The following TMEM248 variants were observed in gnomAD, a reference collection of about 807,000 sequenced individuals.
The protein encoded by TMEM248 is UPF0458 protein C7orf42.
Under a neutral mutation model 30.3 loss-of-function variants are expected in TMEM248, and 9 were observed. That is an observed-to-expected ratio of 0.30 (90% confidence interval 0.18 to 0.52). The LOEUF is 0.52. TMEM248 is among the 20% of genes least tolerant of loss of function. TMEM248 has a pLI of 0.97. For synonymous variants in TMEM248, 184 were observed against 154.4 expected (o/e 1.19, Z -1.42); for missense variants, 338 against 403.3 (o/e 0.84, Z 1.39).
intron 6 of TMEM248, among the ~76,000 whole-genome samples, chr7:66,953,947 T>C (rs1280781568): frequency 1.4e-5 from 2 of 141,786 alleles, no homozygotes; most frequent in Non-Finnish European, 3.1e-5. Context: ...TTCTTTTTTT[T>C]TTTTTTTTTT....
chr7:66,947,770 TATTTTA>T (rs1165072682), intron 3 of TMEM248, among the ~76,000 whole-genome samples: 3 of 152,090 alleles, frequency 2.0e-5, no homozygotes, highest in Non-Finnish European at 4.4e-5. Context: ...TTTAAAATTT[TATTTTA>T]ATTTTGAGAC....
At chr7:66,942,878 G>A (rs1199597031) in intron 2 of TMEM248, among the ~76,000 whole-genome samples, 1 of 150,864 alleles carries the variant, frequency 6.6e-6, no homozygotes, top group Non-Finnish European at 1.5e-5. Context: ...GGGTGGAGGT[G>A]GGGGTGGGAG....
intron 1 of TMEM248, among the ~76,000 whole-genome samples, chr7:66,938,581 T>G (rs1791863908): frequency 6.6e-6 from 1 of 152,220 alleles, no homozygotes; most frequent in Non-Finnish European, 1.5e-5. Context: ...TGATCTCGAC[T>G]TGCTGCACCT....
At chr7:66,928,763 A>T (rs2129220831) in intron 1 of TMEM248, among the ~76,000 whole-genome samples, 1 of 150,924 alleles carries the variant, frequency 6.6e-6, no homozygotes, top group Non-Finnish European at 1.5e-5. Flanking sequence ...GATGGGATTG[A>T]CTCTTAAAAA....
intron 1 of TMEM248, among the ~76,000 whole-genome samples, chr7:66,928,368 G>A (rs189858356): frequency 1.3e-5 from 2 of 151,478 alleles, no homozygotes; most frequent in East Asian, 3.9e-4. Flanking sequence ...ACTTGAAACT[G>A]TCTTATCAAC....
chr7:66,950,597 G>A (rs1029273249), intron 4 of TMEM248, among the ~76,000 whole-genome samples: 7 of 152,068 alleles, frequency 4.6e-5, no homozygotes, highest in Non-Finnish European at 1.0e-4. Flanking sequence ...GCATGAGAAA[G>A]GACTAATATA....
intron 1 of TMEM248, among the ~76,000 whole-genome samples, chr7:66,938,642 G>A (rs1030613850): frequency 6.6e-6 from 1 of 152,056 alleles, no homozygotes; most frequent in African/African-American, 2.4e-5. Flanking sequence ...CAACTAGCTG[G>A]GACTACAGGC....
chr7:66,925,958 G>A (rs1791512931), intron 1 of TMEM248, among the ~76,000 whole-genome samples: 1 of 151,936 alleles, frequency 6.6e-6, no homozygotes, highest in Non-Finnish European at 1.5e-5. Context: ...AGTTTTTAAA[G>A]GAATTTCTGT....
chr7:66,948,589 C>T lies in TMEM248; in HGVS notation c.491C>T (p.Thr164Ile). ...EEINITFTLP[T>I]AWSSDDCALH... is the part of the protein sequence containing the mutation. ...ATAAACATCACCTTCACCCTGCCTA[C>T]AGCGTGGAGCTCAGATGACTGCGCC... The change falls in exon 4 of 7, where the codon ACA (threonine) becomes ATA (isoleucine). Residue 164 changes from threonine (T) to isoleucine (I), a missense_variant. Thr to Ile is a moderately conservative substitution (Grantham distance 89). Coordinates refer to ENST00000341567, the MANE Select transcript of TMEM248 (RefSeq NM_017994.5). 3 of 1,614,112 alleles carry T rather than the reference C, an allele frequency of 1.9e-6. No homozygotes were observed. The highest frequency in any genetic ancestry group is 1.7e-6 in the Non-Finnish European group (2 of 1,179,974).
At chr7:66,928,913 A>T (rs1268302810) in intron 1 of TMEM248, among the ~76,000 whole-genome samples, 1 of 152,074 alleles carries the variant, frequency 6.6e-6, no homozygotes, top group East Asian at 1.9e-4. Flanking sequence ...TCAGCCTCCC[A>T]AGTAGCTGGG....
At chr7:66,924,629 T>A (rs1791476343) in intron 1 of TMEM248, among the ~76,000 whole-genome samples, 2 of 152,108 alleles carry the variant, frequency 1.3e-5, no homozygotes, top group Admixed American at 1.3e-4. Context: ...GGTCTCAAAC[T>A]CCTGACCTCA....
intron 2 of TMEM248, among the ~76,000 whole-genome samples, chr7:66,943,246 C>T (rs1433882563): frequency 1.3e-5 from 2 of 152,204 alleles, no homozygotes; most frequent in Non-Finnish European, 2.9e-5. Flanking sequence ...AGCTGCACAG[C>T]CTCCTGCCAT....
In TMEM248 at chr7:66,956,344, C is replaced by T. The variant is rs1157553122; in HGVS notation, c.*822C>T. On this transcript the variant is annotated 3_prime_UTR_variant, in exon 7 of 7. Coordinates refer to ENST00000341567, the MANE Select transcript of TMEM248 (RefSeq NM_017994.5). The stretch of plus-strand genomic sequence containing the variant: ...CTCCCTTCTGTTATCAAAGTTAAAG[C>T]GCCTCTTCACTCAAAAGGGCTTCAA... The T allele has an allele frequency of 2.0e-5, 3 of 152,252 alleles. No homozygotes were observed. Among genetic ancestry groups the T allele is most frequent in the Admixed American group, 6.5e-5 (1 of 15,282 alleles). The allele number at this position is 152,252 out of a possible 1,614,324, so 9.4% of individuals were successfully genotyped here. A position where few individuals can be genotyped will look rare whatever the true frequency, so the allele number is the denominator to read the frequency against.
intron 2 of TMEM248, among the ~76,000 whole-genome samples, chr7:66,944,399 C>T (rs1260124098): frequency 3.3e-5 from 5 of 152,208 alleles, no homozygotes; most frequent in Non-Finnish European, 7.3e-5. Context: ...GCCACCGTAC[C>T]TGGCCCCTTC....
intron 1 of TMEM248, 142 bp from the exon 2 acceptor site, chr7:66,941,706 G>A (rs1791963389): frequency 3.1e-6 from 2 of 648,954 alleles, no homozygotes; most frequent in South Asian, 2.6e-5. Flanking sequence ...TTTGAATGAA[G>A]TTATGATCCG....
intron 6 of TMEM248, among the ~76,000 whole-genome samples, chr7:66,953,939 C>CTTTTTTTTTTTT (rs34925648): frequency 1.2e-5 from 1 of 83,984 alleles, no homozygotes; most frequent in African/African-American, 4.9e-5. Flanking sequence ...AGATTACTTT[C>CTTTTTTTTTTTT]TTTTTTTTTT....
At chr7:66,928,314 A>G (rs559779126) in intron 1 of TMEM248, among the ~76,000 whole-genome samples, 3 of 152,036 alleles carry the variant, frequency 2.0e-5, no homozygotes, top group African/African-American at 7.2e-5. Context: ...CACTTTGTAT[A>G]TCTATGGCAT....
intron 1 of TMEM248, among the ~76,000 whole-genome samples, chr7:66,924,281 GT>G (rs1791465141): frequency 6.6e-6 from 1 of 152,196 alleles, no homozygotes; most frequent in African/African-American, 2.4e-5. Flanking sequence ...GAGATGGTGT[GT>G]TTCCCTTGCC....
At chr7:66,930,098 G>A (rs1272523720) in intron 1 of TMEM248, among the ~76,000 whole-genome samples, 2 of 152,100 alleles carry the variant, frequency 1.3e-5, no homozygotes, top group Non-Finnish European at 2.9e-5. Flanking sequence ...AAGTCAAGGC[G>A]GCTGCCATGC....
Sources: gnomAD v4.1 joint callset for allele counts (sites outside exome capture counted in the v4.1 genomes callset) on GRCh38, gnomAD v4.1.1 for gene constraint, MANE v1.5 for transcripts, NCBI Gene and HGNC (gene_info 2026-07-23, HGNC 2026-07-21) for gene names.